The following SGO1 variants were observed in gnomAD, a reference collection of about 807,000 sequenced individuals.
SGO1 encodes the protein serologically defined breast cancer antigen NY-BR-85.
SGO1 carries 39 observed loss-of-function variants against 50.5 expected under a neutral mutation model. That is an observed-to-expected ratio of 0.77 (90% CI 0.60 to 1.01). SGO1 has a LOEUF of 1.01. Ranked by LOEUF, SGO1 falls within the 50% of genes least tolerant of loss-of-function variation. The pLI is 0.00. For missense variants in SGO1, 638 were observed against 606.0 expected, an observed-to-expected ratio of 1.05 and a Z score of -0.55; for synonymous variants, 191 against 205.1, an observed-to-expected ratio of 0.93 and a Z score of 0.59.
At chr3:20,173,336 C>T (rs57566322) in intron 6 of SGO1, among the ~76,000 whole-genome samples, 1,977 of 152,126 alleles carry the variant, frequency 0.013, 50 homozygotes, top group African/African-American at 0.045. Context: ...GATGGGGTTT[C>T]ACCATGTTGG....
exon 9 of SGO1, chr3:20,161,205 G>C: frequency 6.2e-7 from 1 of 1,606,416 alleles, no homozygotes; most frequent in East Asian, 2.2e-5. Context: ...TGCTTCTTTG[G>C]CAGGTGATAC....
chr3:20,165,582 CAT>C (rs1330333564), downstream of SGO1, among the ~76,000 whole-genome samples: 10 of 152,142 alleles, frequency 6.6e-5, no homozygotes, highest in East Asian at 9.7e-4. Context: ...CCCATGAAAA[CAT>C]AGAAAGATAA....
intron 3 of SGO1, among the ~76,000 whole-genome samples, chr3:20,181,024 G>C (rs945875296): frequency 6.6e-6 from 1 of 152,108 alleles, no homozygotes; most frequent in Non-Finnish European, 1.5e-5. Context: ...CTATTCAGGA[G>C]GCTGAGATGG....
At chr3:20,163,177 C>G (rs768040859) in intron 8 of SGO1, among the ~76,000 whole-genome samples, 1 of 151,976 alleles carries the variant, frequency 6.6e-6, no homozygotes, top group African/African-American at 2.4e-5. Context: ...AAAACTGGTT[C>G]TTTGAAAGTC....
chr3:20,185,248 G>T (rs1702501819), intron 1 of SGO1, among the ~76,000 whole-genome samples: 1 of 152,206 alleles, frequency 6.6e-6, no homozygotes, highest in Non-Finnish European at 1.5e-5. Flanking sequence ...GGAGATGTTT[G>T]AGAGTCATAC....
At chr3:20,167,484 TA>T (rs1451611067), downstream of SGO1, among the ~76,000 whole-genome samples, 5 of 152,152 alleles carry the variant, frequency 3.3e-5, no homozygotes, top group African/African-American at 1.2e-4. Flanking sequence ...AAAAAATCCA[TA>T]GTTTTACATT....
chr3:20,171,691 G>C (rs1176636627), intron 6 of SGO1, among the ~76,000 whole-genome samples: 2 of 152,092 alleles, frequency 1.3e-5, no homozygotes, highest in Non-Finnish European at 2.9e-5. Flanking sequence ...TTGGAATCAA[G>C]TCCTCTCTCT....
intron 8 of SGO1, among the ~76,000 whole-genome samples, chr3:20,164,123 T>C (rs1191292204): frequency 1.3e-5 from 2 of 152,154 alleles, no homozygotes; most frequent in African/African-American, 4.8e-5. Flanking sequence ...AGAAAAAATT[T>C]AAGAAACCAC....
rs567564286 is a variant in SGO1, at chr3:20,164,151, A to C, written c.1565-2925T>G. On this transcript the variant is annotated intron_variant, in intron 8 of 8. Transcript: ENST00000263753. ...GAAACCACAAGAAAACTATAGACCAATAACTCTCACAAACGTAGATGTGAA... is the reference window on the plus strand; with the variant it reads ...GAAACCACAAGAAAACTATAGACCACTAACTCTCACAAACGTAGATGTGAA... Among the ~76,000 whole-genome samples the C allele has an allele frequency of 5.9e-5, 9 of 152,278 alleles. No individual in the cohort carries two copies. In the South Asian group the frequency reaches 1.7e-3, roughly 28 times the overall value.
intron 6 of SGO1, 108 bp from the exon 7 acceptor site, chr3:20,171,340 A>G (rs1700722795): frequency 1.0e-6 from 1 of 959,744 alleles, no homozygotes. Context: ...CCAGCATTTA[A>G]TAATAGAATT....
Position 20,171,025 on chromosome 3 carries a change from C to A in SGO1, c.1472+18G>T, listed in dbSNP as rs543956608. On this transcript the variant is annotated intron_variant, in intron 7 of 7. Coordinates refer to ENST00000412997, the MANE Select transcript of SGO1 (RefSeq NM_001199251.3). ...ACATGTATCATTAAAAATAAGTTCC[C>A]ACAAACCAAATACTTACGAAGCGAG... 1.3e-6 allele frequency: 2 copies of A among 1,563,286 alleles called. No individual in the cohort carries two copies. The highest frequency in any genetic ancestry group is 2.8e-5 in the African/African-American group (2 of 71,724).
At chr3:20,180,637 CAA>C (rs1232963225) in intron 3 of SGO1, among the ~76,000 whole-genome samples, 1 of 152,198 alleles carries the variant, frequency 6.6e-6, no homozygotes, top group African/African-American at 2.4e-5. Context: ...GCCACTGTAA[CAA>C]GAGGGAAGAT....
rs1701910692 is a variant in SGO1, at chr3:20,180,677, G to T, written c.340-2330C>A. Among the ~76,000 whole-genome samples, 3 of 152,188 alleles carry T rather than the reference G, an allele frequency of 2.0e-5. No homozygotes were observed. The South Asian group carries it at 6.2e-4, about 31-fold the overall frequency. ...AGAACCTAAGTATAGAGGTGGATTT[G>T]CAGATCTCTGTTATGAAGATGACAA... On this transcript the variant is annotated intron_variant, in intron 3 of 7. Transcript: ENST00000412997.
intron 4 of SGO1, among the ~76,000 whole-genome samples, chr3:20,176,880 A>G (rs1250189029): frequency 6.6e-6 from 1 of 152,220 alleles, no homozygotes; most frequent in East Asian, 1.9e-4. Flanking sequence ...TTGAAGAACC[A>G]ACCTATCAAG....
chr3:20,177,710 A>G (rs1190885961), intron 4 of SGO1, among the ~76,000 whole-genome samples: 1 of 152,220 alleles, frequency 6.6e-6, no homozygotes, highest in Non-Finnish European at 1.5e-5. Context: ...AGTCAAACTC[A>G]TCAAATTGTA....
chr3:20,186,603 A>G (rs1559383618), upstream of SGO1: 2 of 152,258 alleles, frequency 1.3e-5, no homozygotes, highest in Non-Finnish European at 2.9e-5. Flanking sequence ...TGCAACACGG[A>G]AGCAGCTTTT....
In SGO1 at chr3:20,185,445, G is replaced by A. The variant is rs370472504; in HGVS notation, c.-8+503C>T. ...GGTGTGGTAGACAGAAGGGATGAAAGCAAAGACAGACCACAGCGCGAGATG... is the reference window on the plus strand; with the variant it reads ...GGTGTGGTAGACAGAAGGGATGAAAACAAAGACAGACCACAGCGCGAGATG... On this transcript the variant is annotated intron_variant, in intron 1 of 7. Transcript: ENST00000412997. Among the ~76,000 whole-genome samples the A allele has an allele frequency of 3.9e-5, 6 of 152,256 alleles. 1 individual carries two copies. Among genetic ancestry groups the A allele is most frequent in the African/African-American group, 1.4e-4 (6 of 41,526 alleles).
downstream of SGO1, chr3:20,169,335 A>T (rs2125251857): frequency 1.0e-6 from 1 of 983,784 alleles, no homozygotes; most frequent in African/African-American, 1.7e-5. Context: ...TGACTACTGA[A>T]AATACTAAGG....
intron 5 of SGO1, among the ~76,000 whole-genome samples, chr3:20,175,567 C>G (rs1055604527): frequency 6.6e-6 from 1 of 151,952 alleles, no homozygotes; most frequent in African/African-American, 2.4e-5. Context: ...GAGGCCGAGG[C>G]GGGCAGATCA....
Sources: allele counts gnomAD v4.1 joint callset (sites outside exome capture counted in the v4.1 genomes callset), GRCh38; gene constraint gnomAD v4.1.1; transcripts MANE v1.5; gene names NCBI Gene and HGNC (gene_info 2026-07-23, HGNC 2026-07-21).